PIGU: variants seen among roughly 807,000 people sequenced by gnomAD.
PIGU encodes phosphatidylinositol glycan anchor biosynthesis class U.
Under a neutral mutation model 49.9 loss-of-function variants are expected in PIGU, and 24 were observed. That is an observed-to-expected ratio of 0.48 (90% CI 0.35 to 0.68). PIGU has a LOEUF of 0.68. Ranked by LOEUF, PIGU falls within the 30% of genes least tolerant of loss-of-function variation. PIGU has a pLI of 0.01. For missense variants in PIGU, 490 were observed against 532.6 expected, an observed-to-expected ratio of 0.92 and a Z score of 0.79; for synonymous variants, 220 against 205.7, an observed-to-expected ratio of 1.07 and a Z score of -0.59.
At chr20:34,624,328 T>G (rs1283004278) in intron 6 of PIGU, among the ~76,000 whole-genome samples, 1 of 152,224 alleles carries the variant, frequency 6.6e-6, no homozygotes, top group Admixed American at 6.5e-5. Context: ...ATAAGGAAAC[T>G]GAGGCTTAGA....
At chr20:34,570,594 T>C (rs1330528111) in intron 11 of PIGU, among the ~76,000 whole-genome samples, 3 of 152,180 alleles carry the variant, frequency 2.0e-5, no homozygotes, top group Non-Finnish European at 4.4e-5. Context: ...TTTGTATTTT[T>C]AGTAGAGACG....
rs146690409 is a variant in PIGU, at chr20:34,620,779, C to T, written c.530-4640G>A. On this transcript the variant is annotated intron_variant, in intron 6 of 11. Coordinates refer to ENST00000217446, the MANE Select transcript of PIGU (RefSeq NM_080476.5). ...TGAGCCGAGATCGCGCCACTGCACG[C>T]GACACAGCAAGACTCCACCTAAAAA... Among the ~76,000 whole-genome samples, 403 of 140,556 alleles carry T rather than the reference C, an allele frequency of 2.9e-3. 2 individuals are homozygous for T. The highest frequency in any genetic ancestry group is 4.3e-3 in the Non-Finnish European group (283 of 66,354). 92.2% of individuals were successfully genotyped at this position (140,556 alleles called of 152,430 possible). A position where few individuals can be genotyped will look rare whatever the true frequency, so the allele number is the denominator to read the frequency against.
intron 1 of PIGU, among the ~76,000 whole-genome samples, chr20:34,676,068 A>T (rs6088567): frequency 0.39 from 58,315 of 149,682 alleles, 11,754 homozygotes; most frequent in Admixed American, 0.55. Context: ...TTAATCATCA[A>T]ACTCTGGCCT....
At chr20:34,636,247 A>G (rs1458661676) in intron 5 of PIGU, among the ~76,000 whole-genome samples, 2 of 151,446 alleles carry the variant, frequency 1.3e-5, no homozygotes, top group East Asian at 3.9e-4. Context: ...AAGTACAAAT[A>G]GAAATAAAGA....
chr20:34,634,491 T>C, intron 6 of PIGU, 124 bp downstream of exon 6: 3 of 1,348,472 alleles, frequency 2.2e-6, no homozygotes, highest in South Asian at 3.7e-5. Flanking sequence ...ATTACTTGTG[T>C]AATTTTTAAA....
rs931199648 is a variant in PIGU at position 34,669,639 on chromosome 20, C to T, written c.130+7317G>A. On this transcript the variant is annotated intron_variant, in intron 1 of 11. Transcript: ENST00000217446. ...CCAAGATCACACCACTGCACTCCAG[C>T]CTGGGCAACAGAGTGAGACTCTGGC... 4.0e-5 allele frequency among the ~76,000 whole-genome samples: 6 copies of T among 150,444 alleles called. No individual in the cohort carries two copies. In the South Asian group the frequency reaches 1.3e-3, roughly 31 times the overall value.
chr20:34,570,356 A>G (rs1274395842), intron 11 of PIGU, among the ~76,000 whole-genome samples: 1 of 152,226 alleles, frequency 6.6e-6, no homozygotes, highest in East Asian at 1.9e-4. Context: ...TCAGAAGATT[A>G]TAGGGATCAC....
At chr20:34,571,674 A>G (rs574467118) in intron 11 of PIGU, among the ~76,000 whole-genome samples, 1 of 152,322 alleles carries the variant, frequency 6.6e-6, no homozygotes, top group Admixed American at 6.5e-5. Flanking sequence ...TGGGCTGCGC[A>G]GGACATGCAA....
chr20:34,563,013 C>T (rs1250402153), intron 11 of PIGU, among the ~76,000 whole-genome samples: 1 of 152,184 alleles, frequency 6.6e-6, no homozygotes, highest in Non-Finnish European at 1.5e-5. Context: ...ACACAATAAT[C>T]ATCTGGACAA....
intron 1 of PIGU, among the ~76,000 whole-genome samples, chr20:34,663,076 T>A (rs1372515502): frequency 2.0e-5 from 3 of 151,544 alleles, no homozygotes; most frequent in Non-Finnish European, 4.4e-5. Flanking sequence ...CCCAGCTAAA[T>A]TTTTTTTTGG....
At chr20:34,598,548 T>C (rs918917116) in intron 7 of PIGU, among the ~76,000 whole-genome samples, 4 of 152,202 alleles carry the variant, frequency 2.6e-5, no homozygotes, top group Admixed American at 6.5e-5. Flanking sequence ...AAGACATCTA[T>C]TAAACAGATA....
At chr20:34,584,815 G>C (rs1169823584) in intron 9 of PIGU, among the ~76,000 whole-genome samples, 1 of 151,770 alleles carries the variant, frequency 6.6e-6, no homozygotes, top group Non-Finnish European at 1.5e-5. Flanking sequence ...AGCTTCCAGA[G>C]TAGCTGGGAC....
intron 4 of PIGU, among the ~76,000 whole-genome samples, chr20:34,642,652 C>CATATATAT (rs10639203): frequency 2.8e-4 from 37 of 131,438 alleles, no homozygotes; most frequent in South Asian, 2.0e-3. Context: ...ATATATATCT[C>CATATATAT]ATATATATAT....
At chr20:34,567,058 C>T (rs770544496) in intron 11 of PIGU, among the ~76,000 whole-genome samples, 11 of 152,234 alleles carry the variant, frequency 7.2e-5, no homozygotes, top group Non-Finnish European at 1.5e-4. Context: ...TGTCCTGGTT[C>T]CCCAGGCCTC....
intron 2 of PIGU, among the ~76,000 whole-genome samples, chr20:34,655,858 T>A (rs1986682654): frequency 8.3e-6 from 1 of 120,736 alleles, no homozygotes; most frequent in African/African-American, 3.1e-5. Context: ...AAGATGGCTC[T>A]GACTACAGAA....
chr20:34,562,650 G>A, intron 11 of PIGU: 1 of 1,073,962 alleles, frequency 9.3e-7, no homozygotes, highest in East Asian at 5.9e-5. Context: ...GCTACACCTG[G>A]AGCACTGGAC....
chr20:34,656,189 G>A (rs1986690786), intron 2 of PIGU, among the ~76,000 whole-genome samples: 1 of 118,878 alleles, frequency 8.4e-6, no homozygotes, highest in African/African-American at 3.1e-5. Context: ...GGCCAGGCTG[G>A]TCTTGAACTC....
At chr20:34,623,825 G>T (rs1006216700) in intron 6 of PIGU, among the ~76,000 whole-genome samples, 2 of 152,156 alleles carry the variant, frequency 1.3e-5, no homozygotes, top group Non-Finnish European at 2.9e-5. Flanking sequence ...CTACAGAGCT[G>T]GTAATTAGAA....
chr20:34,648,872 T>C (rs577468420), intron 2 of PIGU, among the ~76,000 whole-genome samples: 1 of 151,644 alleles, frequency 6.6e-6, no homozygotes, highest in African/African-American at 2.4e-5. Context: ...ATTGATTGAC[T>C]GATTGACTGA....
Sources: gnomAD v4.1 joint callset for allele counts (sites outside exome capture counted in the v4.1 genomes callset) on GRCh38, gnomAD v4.1.1 for gene constraint, MANE v1.5 for transcripts, NCBI Gene and HGNC (gene_info 2026-07-23, HGNC 2026-07-21) for gene names.